The following CCSER1 variants were observed in gnomAD, a reference collection of about 807,000 sequenced individuals.
The protein encoded by CCSER1 is serine-rich coiled-coil domain-containing protein 1.
CCSER1 carries 41 observed loss-of-function variants against 82.0 expected under a neutral mutation model. The ratio of observed to expected loss-of-function variants is 0.50; its 90% CI spans 0.39 to 0.65. CCSER1 has a LOEUF of 0.65. CCSER1 is among the 30% of genes least tolerant of loss of function. The probability of loss-of-function intolerance (pLI) is 0.00; values close to 1 mark genes in which losing one functional copy is unlikely to be tolerated. For missense variants in CCSER1, 1,119 were observed against 1,064.2 expected (o/e 1.05, Z -0.72); for synonymous variants, 414 against 383.9 (o/e 1.08, Z -0.92).
chr4:90,494,301 C>A (rs182041423), intron 5 of CCSER1, among the ~76,000 whole-genome samples: 3 of 152,118 alleles, frequency 2.0e-5, no homozygotes, highest in Non-Finnish European at 4.4e-5. Flanking sequence ...CTTAGACTCC[C>A]ACACAATAAT....
chr4:91,260,663 A>C (rs148993399), intron 10 of CCSER1, among the ~76,000 whole-genome samples: 91 of 152,362 alleles, frequency 6.0e-4, no homozygotes, highest in African/African-American at 2.1e-3. Flanking sequence ...AAGACTCTAA[A>C]GAGTGATATA....
chr4:91,295,812 T>G (rs1018149374), intron 10 of CCSER1, among the ~76,000 whole-genome samples: 1 of 151,940 alleles, frequency 6.6e-6, no homozygotes, highest in African/African-American at 2.4e-5. Flanking sequence ...TGAATCAGCC[T>G]CCTGTGTTTT....
intron 5 of CCSER1, among the ~76,000 whole-genome samples, chr4:90,545,806 C>T (rs145556305): frequency 0.026 from 3,946 of 152,136 alleles, 76 homozygotes; most frequent in Middle Eastern, 0.048. Context: ...AACTATTTTC[C>T]CTAAAACATA....
intron 6 of CCSER1, among the ~76,000 whole-genome samples, chr4:90,651,362 A>G (rs1169590592): frequency 6.6e-6 from 1 of 152,204 alleles, no homozygotes; most frequent in African/African-American, 2.4e-5. Flanking sequence ...GCAGCCATAA[A>G]AAAGGGTAAG....
intron 5 of CCSER1, among the ~76,000 whole-genome samples, chr4:90,586,519 T>G (rs1579312110): frequency 6.6e-6 from 1 of 152,290 alleles, no homozygotes; most frequent in East Asian, 1.9e-4. Flanking sequence ...GTTCAAAGGA[T>G]TATTAAAAGT....
At chr4:90,252,216 G>A (rs902122183) in intron 1 of CCSER1, among the ~76,000 whole-genome samples, 1 of 151,800 alleles carries the variant, frequency 6.6e-6, no homozygotes, top group Admixed American at 6.6e-5. Flanking sequence ...GCTCCGATGA[G>A]CATTTCTTTT....
At chr4:90,228,085 G>A (rs1179732254) in intron 1 of CCSER1, among the ~76,000 whole-genome samples, 1 of 152,200 alleles carries the variant, frequency 6.6e-6, no homozygotes, top group Non-Finnish European at 1.5e-5. Context: ...TAGGTAAACA[G>A]AGCAGCCGGG....
At chr4:91,357,907 G>A (rs1748966814) in intron 10 of CCSER1, among the ~76,000 whole-genome samples, 1 of 84,846 alleles carries the variant, frequency 1.2e-5, no homozygotes, top group Non-Finnish European at 2.1e-5. Context: ...TTTTTTTGAA[G>A]ATAACCATTC....
At chr4:90,942,155 G>T (rs995655199) in intron 9 of CCSER1, among the ~76,000 whole-genome samples, 1 of 151,980 alleles carries the variant, frequency 6.6e-6, no homozygotes, top group African/African-American at 2.4e-5. Context: ...TCACCATGTT[G>T]CCCAGGCTGG....
intron 4 of CCSER1, among the ~76,000 whole-genome samples, chr4:90,460,163 A>G (rs898827004): frequency 6.8e-5 from 10 of 148,034 alleles, no homozygotes; most frequent in Admixed American, 6.6e-5. Flanking sequence ...CGTCTCTACT[A>G]AAAATACAAA....
chr4:90,266,525 A>G (rs1167738486), intron 1 of CCSER1, among the ~76,000 whole-genome samples: 1 of 152,058 alleles, frequency 6.6e-6, no homozygotes, highest in South Asian at 2.1e-4. Flanking sequence ...TAACCATCCT[A>G]GTACGTGGTT....
At chr4:91,365,755 G>A (rs374402111) in intron 10 of CCSER1, among the ~76,000 whole-genome samples, 22 of 152,208 alleles carry the variant, frequency 1.4e-4, no homozygotes, top group Admixed American at 6.5e-4. Flanking sequence ...ATGAAGTGGC[G>A]TGGTCAGAGG....
chr4:90,191,443 G>T (rs1386433286), intron 1 of CCSER1, among the ~76,000 whole-genome samples: 2 of 152,008 alleles, frequency 1.3e-5, no homozygotes, highest in African/African-American at 4.8e-5. Flanking sequence ...TGTAATTTAT[G>T]CATAAGACAG....
chr4:90,821,763 G>C (rs1759753111), intron 8 of CCSER1, among the ~76,000 whole-genome samples: 1 of 152,080 alleles, frequency 6.6e-6, no homozygotes, highest in Admixed American at 6.6e-5. Flanking sequence ...TTCTGAGAAA[G>C]TTTCAGTGTC....
rs551596608 is a variant in CCSER1, at chr4:90,234,492, C to T, written c.-41-73752C>T. On this transcript the variant is annotated intron_variant, in intron 1 of 10. Coordinates refer to ENST00000509176, the MANE Select transcript of CCSER1 (RefSeq NM_001145065.2). ...TTGGCCTCCCAAAGTGCTAGGATTA[C>T]AGGCTTGAGCGACTGCGCCTGGCCC... Among the ~76,000 whole-genome samples the T allele has an allele frequency of 1.3e-4, 20 of 152,256 alleles. No homozygotes were observed. The South Asian group carries it at 4.2e-3, about 32-fold the overall frequency.
intron 9 of CCSER1, among the ~76,000 whole-genome samples, chr4:91,009,176 C>A (rs1738788879): frequency 6.6e-6 from 1 of 152,072 alleles, no homozygotes; most frequent in Non-Finnish European, 1.5e-5. Context: ...TCAGCTCCAG[C>A]CTTAACAAAC....
chr4:90,247,034 C>T lies in CCSER1; in HGVS notation c.-41-61210C>T, dbSNP rs1484295336. 2.0e-5 allele frequency among the ~76,000 whole-genome samples: 3 copies of T among 152,058 alleles called. No homozygotes were observed. In the East Asian group the frequency reaches 5.8e-4, roughly 29 times the overall value. On this transcript the variant is annotated intron_variant, in intron 1 of 10. Coordinates refer to ENST00000509176, the MANE Select transcript of CCSER1 (RefSeq NM_001145065.2). ...GTTGATATGATAACCTACTCAGCTA[C>T]AAAATGACTAAAGGGCAGGTAGCGC...
intron 6 of CCSER1, among the ~76,000 whole-genome samples, chr4:90,656,635 CA>C (rs1405117176): frequency 6.6e-6 from 1 of 151,760 alleles, no homozygotes; most frequent in African/African-American, 2.4e-5. Context: ...GAGTCTGGAT[CA>C]TATTTGTATT....
chr4:90,686,178 GA>G (rs1355979162), intron 6 of CCSER1, among the ~76,000 whole-genome samples: 2 of 152,094 alleles, frequency 1.3e-5, no homozygotes, highest in Admixed American at 1.3e-4. Context: ...TTTATTCTGG[GA>G]AGTCTAGTTT....
Sources: allele counts gnomAD v4.1 joint callset (sites outside exome capture counted in the v4.1 genomes callset), GRCh38; gene constraint gnomAD v4.1.1; transcripts MANE v1.5; gene names NCBI Gene and HGNC (gene_info 2026-07-23, HGNC 2026-07-21).